NIBAN1: variants seen among roughly 807,000 people sequenced by gnomAD.
NIBAN1 encodes the protein protein Niban 1.
A neutral mutation model predicts 75.1 loss-of-function variants in NIBAN1; 81 were observed. The ratio of observed to expected loss-of-function variants is 1.08; its 90% confidence interval spans 0.90 to 1.30. NIBAN1 has a LOEUF of 1.30. Ranked by LOEUF, NIBAN1 falls within the 50% of genes most tolerant of loss-of-function variation. The pLI is 0.00. For missense variants in NIBAN1, 1,133 were observed against 1,128.1 expected (o/e 1.00, Z -0.06); for synonymous variants, 436 against 424.8 (o/e 1.03, Z -0.32).
intron 1 of NIBAN1, among the ~76,000 whole-genome samples, chr1:184,958,020 G>A (rs1467922879): frequency 6.6e-6 from 1 of 152,044 alleles, no homozygotes; most frequent in Non-Finnish European, 1.5e-5. Context: ...TTTAATTTCT[G>A]GATTAAGCTA....
intron 5 of NIBAN1, among the ~76,000 whole-genome samples, chr1:184,859,969 G>A (rs1655774152): frequency 6.6e-6 from 1 of 152,166 alleles, no homozygotes; most frequent in Non-Finnish European, 1.5e-5. Flanking sequence ...TGGGAAAGTG[G>A]AACCAAAGCC....
At chr1:184,805,429 T>C (rs1654168793) in intron 11 of NIBAN1, among the ~76,000 whole-genome samples, 1 of 152,206 alleles carries the variant, frequency 6.6e-6, no homozygotes, top group Admixed American at 6.5e-5. Flanking sequence ...ATATAACATA[T>C]ATGTGAAAGC....
rs1254159400 is a variant in NIBAN1, at chr1:184,918,450, T to C, written c.56-19141A>G. 2.0e-5 allele frequency among the ~76,000 whole-genome samples: 3 copies of C among 152,204 alleles called. No homozygotes were observed. In the East Asian group the frequency reaches 5.8e-4, roughly 29 times the overall value. On this transcript the variant is annotated intron_variant, in intron 1 of 13. Transcript: ENST00000367511. ...TGGGTTCTTCCAGGCTCTTCTCAAG[T>C]TGGTCCCAACCCACCTGTCCAGCTT...
rs568758421 is a variant in NIBAN1, at chr1:184,798,061, C to G, written c.1666+18G>C. On this transcript the variant is annotated intron_variant, in intron 13 of 13. Transcript: ENST00000367511. Reference sequence around the variant, plus strand: ...CCCTCTATGGAGTGTCCCTGCAGCACCAGGTAACCTTTCTTACCTTTCAGA... The same window carrying G: ...CCCTCTATGGAGTGTCCCTGCAGCAGCAGGTAACCTTTCTTACCTTTCAGA... 83 of 1,535,892 alleles carry G rather than the reference C, an allele frequency of 5.4e-5. No homozygotes were observed. Among genetic ancestry groups the G allele is most frequent in the Non-Finnish European group, 6.9e-5 (77 of 1,111,616 alleles).
intron 1 of NIBAN1, among the ~76,000 whole-genome samples, chr1:184,935,617 AT>A (rs1475893854): frequency 1.3e-5 from 2 of 152,072 alleles, no homozygotes; most frequent in African/African-American, 2.4e-5. Flanking sequence ...AAATATATAT[AT>A]TTTTTTAAAT....
At chr1:184,816,853 AG>A (rs1002079601) in intron 9 of NIBAN1, among the ~76,000 whole-genome samples, 1 of 151,164 alleles carries the variant, frequency 6.6e-6, no homozygotes, top group Non-Finnish European at 1.5e-5. Flanking sequence ...AATGACCAAA[AG>A]GGGGGAATTA....
chr1:184,819,572 A>T (rs1352285156), intron 8 of NIBAN1, among the ~76,000 whole-genome samples: 2 of 152,222 alleles, frequency 1.3e-5, no homozygotes, highest in African/African-American at 4.8e-5. Flanking sequence ...GGAAACCTGC[A>T]TTGTTTTCAG....
rs1233273488 is a variant in NIBAN1, at chr1:184,794,918, G to C, written c.*59C>G. 1.9e-6 allele frequency: 3 copies of C among 1,598,808 alleles called. No individual in the cohort carries two copies. Among genetic ancestry groups the C allele is most frequent in the African/African-American group, 1.3e-5 (1 of 74,848 alleles). The stretch of plus-strand genomic sequence containing the variant: ...GTAACAGCTTGCATGCAACCCCTAA[G>C]TGTACCCCTATAACCCTTTGGCTTT... On this transcript the variant is annotated 3_prime_UTR_variant, in exon 14 of 14. Transcript: ENST00000367511.
In NIBAN1 at chr1:184,815,741, G is replaced by A. The variant is rs912929141; in HGVS notation, c.1173+2897C>T. ...CCCAGTGTAGGTGAGAAACTTTAGT[G>A]GTACACACGTTGCCTCATAATCAGT... On this transcript the variant is annotated intron_variant, in intron 9 of 13. Coordinates refer to ENST00000367511, the MANE Select transcript of NIBAN1 (RefSeq NM_052966.4). Among the ~76,000 whole-genome samples the A allele has an allele frequency of 2.6e-5, 4 of 152,136 alleles. No homozygotes were observed. The East Asian group carries it at 7.7e-4, about 29-fold the overall frequency.
intron 5 of NIBAN1, among the ~76,000 whole-genome samples, chr1:184,855,724 A>C (rs1655660680): frequency 6.6e-6 from 1 of 152,178 alleles, no homozygotes. Flanking sequence ...CCCGAACTAG[A>C]ATATAAGTGT....
intron 1 of NIBAN1, among the ~76,000 whole-genome samples, chr1:184,904,903 A>T (rs549802418): frequency 3.3e-5 from 5 of 151,440 alleles, no homozygotes; most frequent in African/African-American, 7.3e-5. Flanking sequence ...GTGAGCCAAG[A>T]TCGCACCACT....
At chr1:184,967,391 T>C (rs1658823191) in intron 1 of NIBAN1, among the ~76,000 whole-genome samples, 1 of 152,198 alleles carries the variant, frequency 6.6e-6, no homozygotes, top group Non-Finnish European at 1.5e-5. Flanking sequence ...TGCAAATTGT[T>C]ATATGTACCT....
chr1:184,892,458 C>T (rs1656694247), intron 3 of NIBAN1, among the ~76,000 whole-genome samples: 1 of 152,136 alleles, frequency 6.6e-6, no homozygotes, highest in Admixed American at 6.5e-5. Context: ...TCATACAAAA[C>T]ATAAGGTGTC....
chr1:184,831,005 A>AAAC (rs1356833552), intron 6 of NIBAN1, among the ~76,000 whole-genome samples: 1 of 151,668 alleles, frequency 6.6e-6, no homozygotes, highest in Non-Finnish European at 1.5e-5. Flanking sequence ...TCTCAAAAAA[A>AAAC]AAAAAATAGC....
chr1:184,935,792 T>G (rs898537623), intron 1 of NIBAN1, among the ~76,000 whole-genome samples: 1 of 147,622 alleles, frequency 6.8e-6, no homozygotes, highest in Admixed American at 6.8e-5. Context: ...GAGTTAGGGT[T>G]TTTTTTTTTT....
At chr1:184,834,210 A>T (rs1655078534) in intron 5 of NIBAN1, among the ~76,000 whole-genome samples, 2 of 152,180 alleles carry the variant, frequency 1.3e-5, no homozygotes, top group Non-Finnish European at 2.9e-5. Context: ...ATGGCTGCAT[A>T]GTATTCCATG....
At chr1:184,961,438 C>T (rs912869367) in intron 1 of NIBAN1, among the ~76,000 whole-genome samples, 1 of 152,176 alleles carries the variant, frequency 6.6e-6, no homozygotes, top group African/African-American at 2.4e-5. Context: ...TATTATCCTT[C>T]TGAATACCAC....
In NIBAN1 at chr1:184,791,733, C is replaced by T. The variant is rs903604999; in HGVS notation, c.*3244G>A. ...TAGGAGAGATACCCAGAGTGGCAAACAGAGGCTAAGGAAAAAAATGCTGTT... is the reference window on the plus strand; with the variant it reads ...TAGGAGAGATACCCAGAGTGGCAAATAGAGGCTAAGGAAAAAAATGCTGTT... On this transcript the variant is annotated 3_prime_UTR_variant, in exon 14 of 14. Coordinates refer to ENST00000367511, the MANE Select transcript of NIBAN1 (RefSeq NM_052966.4). 1 of 152,016 alleles carries T rather than the reference C, an allele frequency of 6.6e-6. No individual in the cohort carries two copies. The highest frequency in any genetic ancestry group is 2.1e-4 in the South Asian group (1 of 4,834). The allele number at this position is 152,016 out of a possible 1,614,324, so 9.4% of individuals were successfully genotyped here. A position where few individuals can be genotyped will look rare whatever the true frequency, so the allele number is the denominator to read the frequency against.
At chr1:184,961,132 G>A (rs530955471) in intron 1 of NIBAN1, among the ~76,000 whole-genome samples, 3 of 134,702 alleles carry the variant, frequency 2.2e-5, no homozygotes, top group Non-Finnish European at 3.1e-5. Context: ...GCAGTGGCGC[G>A]ATCTCGGCTC....
Sources: gnomAD v4.1 joint callset for allele counts (sites outside exome capture counted in the v4.1 genomes callset) on GRCh38, gnomAD v4.1.1 for gene constraint, MANE v1.5 for transcripts, NCBI Gene and HGNC (gene_info 2026-07-23, HGNC 2026-07-21) for gene names.